Variants in VWA3B observed in about 807,000 individuals in gnomAD.
The protein encoded by VWA3B is von Willebrand factor A domain containing 3B.
Under a neutral mutation model 158.3 loss-of-function variants are expected in VWA3B, and 138 were observed. That is an observed-to-expected ratio of 0.87 (90% confidence interval 0.76 to 1.00). VWA3B has a LOEUF of 1.00. Ranked by LOEUF, VWA3B falls within the 50% of genes least tolerant of loss-of-function variation. The pLI, the probability that VWA3B is intolerant of heterozygous loss-of-function variation, is 0.00. For synonymous variants in VWA3B, 596 were observed against 587.3 expected, an observed-to-expected ratio of 1.01 and a Z score of -0.21; for missense variants, 1,555 against 1,565.1, an observed-to-expected ratio of 0.99 and a Z score of 0.11.
Position 98,204,702 on chromosome 2 carries a change from G to C in VWA3B, c.1738-7228G>C, listed in dbSNP as rs1029034911. Among the ~76,000 whole-genome samples the C allele has an allele frequency of 1.8e-4, 28 of 152,292 alleles. 1 individual carries two copies. The highest frequency in any genetic ancestry group is 6.7e-4 in the African/African-American group (28 of 41,552). On this transcript the variant is annotated intron_variant, in intron 12 of 27. Transcript: ENST00000477737. ...TGTGTGCTGTCTTTGTCTGCTTTGCGTATCAGTGTAATACTGGCCTCATAG... is the reference window on the plus strand; with the variant it reads ...TGTGTGCTGTCTTTGTCTGCTTTGCCTATCAGTGTAATACTGGCCTCATAG...
At chr2:98,237,457 A>T (rs1202887847) in intron 19 of VWA3B, among the ~76,000 whole-genome samples, 1 of 152,246 alleles carries the variant, frequency 6.6e-6, no homozygotes. Flanking sequence ...AGCAAGCCAC[A>T]TGTTAGCAAA....
chr2:98,232,604 TG>T (rs1426463756), intron 16 of VWA3B, among the ~76,000 whole-genome samples: 1 of 152,218 alleles, frequency 6.6e-6, no homozygotes, highest in Non-Finnish European at 1.5e-5. Flanking sequence ...GATAGTATCT[TG>T]GACATTTTGT....
chr2:98,162,281 A>C (rs906350584), intron 7 of VWA3B, among the ~76,000 whole-genome samples: 1 of 152,140 alleles, frequency 6.6e-6, no homozygotes, highest in Non-Finnish European at 1.5e-5. Context: ...ATTGATTGAA[A>C]GACATAAATA....
intron 2 of VWA3B, among the ~76,000 whole-genome samples, chr2:98,104,027 G>A (rs1683255862): frequency 6.6e-6 from 1 of 152,066 alleles, no homozygotes; most frequent in African/African-American, 2.4e-5. Flanking sequence ...AGCCACTGTA[G>A]CTTTCTTATT....
intron 1 of VWA3B, 54 bp downstream of exon 1, chr2:98,087,417 C>G (rs2104779206): frequency 6.6e-6 from 1 of 152,356 alleles, no homozygotes; most frequent in African/African-American, 2.4e-5. Context: ...GCCGAGCCTT[C>G]CAACAAGCGG....
chr2:98,311,748 G>A lies in VWA3B; in HGVS notation c.3522-71G>A, dbSNP rs1027021814. 36 of 1,457,138 alleles carry A rather than the reference G, an allele frequency of 2.5e-5. No homozygotes were observed. In the African/African-American group the frequency reaches 3.7e-4, roughly 15 times the overall value. 90.3% of individuals were successfully genotyped at this position (1,457,138 alleles called of 1,614,324 possible). On this transcript the variant is annotated intron_variant, in intron 26 of 27. Transcript: ENST00000477737. ...CAAGGAGCTGAGAAGCAGCCGTGGG[G>A]ATGGCTTGGACATCTCTGTAGACCC...
In VWA3B at chr2:98,181,236, G is replaced by C. The variant is rs1465090203; in HGVS notation, c.1311+24G>C. The C allele has an allele frequency of 3.7e-6, 6 of 1,606,802 alleles. No individual in the cohort carries two copies. In the East Asian group the frequency reaches 1.3e-4, roughly 36 times the overall value. ...CGGTAGGTGAAGTGCACTCCTGGGAGGGGCTGGGGCCTCCCCTCAAGTCCT... is the reference window on the plus strand; with the variant it reads ...CGGTAGGTGAAGTGCACTCCTGGGACGGGCTGGGGCCTCCCCTCAAGTCCT... On this transcript the variant is annotated intron_variant, in intron 9 of 27. Transcript: ENST00000477737.
intron 7 of VWA3B, among the ~76,000 whole-genome samples, chr2:98,145,931 C>T (rs111650036): frequency 2.6e-5 from 4 of 152,144 alleles, no homozygotes; most frequent in African/African-American, 4.8e-5. Context: ...GGGGGGATCT[C>T]GCTATGTTTT....
rs1206465827 is a variant in VWA3B, at chr2:98,313,241, T to A, written c.*892T>A. ...TCCTGAAAGCTAGGAGTAGCCAGGG[T>A]TATGGTGAAGAAATTAAAGAACTAA... On this transcript the variant is annotated 3_prime_UTR_variant, in exon 28 of 28. Coordinates refer to ENST00000477737, the MANE Select transcript of VWA3B (RefSeq NM_144992.5). The A allele has an allele frequency of 1.3e-5, 2 of 151,486 alleles. No individual in the cohort carries two copies. The highest frequency in any genetic ancestry group is 2.9e-5 in the Non-Finnish European group (2 of 67,896). 9.4% of individuals were successfully genotyped at this position (151,486 alleles called of 1,614,324 possible).
intron 7 of VWA3B, among the ~76,000 whole-genome samples, chr2:98,140,678 A>T (rs1676711306): frequency 1.3e-5 from 2 of 152,078 alleles, no homozygotes; most frequent in African/African-American, 2.4e-5. Context: ...GACCAGAGCG[A>T]TGCTCCCTTT....
chr2:98,186,211 G>A (rs1032398540), intron 9 of VWA3B, among the ~76,000 whole-genome samples: 4 of 134,670 alleles, frequency 3.0e-5, no homozygotes, highest in South Asian at 2.3e-4. Flanking sequence ...CTCCCACCTC[G>A]CTGGCTGTTC....
At chr2:98,103,304 ATTAT>A (rs1385082189) in intron 2 of VWA3B, among the ~76,000 whole-genome samples, 1 of 152,016 alleles carries the variant, frequency 6.6e-6, no homozygotes, top group Admixed American at 6.6e-5. Flanking sequence ...CTTAATCATC[ATTAT>A]TTATTTCTTT....
At chr2:98,227,951 C>A (rs1358749283) in intron 14 of VWA3B, among the ~76,000 whole-genome samples, 2 of 152,156 alleles carry the variant, frequency 1.3e-5, no homozygotes, top group African/African-American at 4.8e-5. Context: ...ATAAGAACAA[C>A]ATAAAATTCT....
intron 22 of VWA3B, among the ~76,000 whole-genome samples, chr2:98,277,903 C>A (rs576038872): frequency 6.6e-6 from 1 of 151,892 alleles, no homozygotes; most frequent in Non-Finnish European, 1.5e-5. Context: ...AGAATATATA[C>A]GGCTGTTATC....
intron 24 of VWA3B, among the ~76,000 whole-genome samples, chr2:98,299,255 ATGAATTGACC>A (rs1690032591): frequency 6.6e-6 from 1 of 152,168 alleles, no homozygotes; most frequent in African/African-American, 2.4e-5. Flanking sequence ...GAAAGTCAGC[ATGAATTGACC>A]TTAAGTTCCC....
At position 98,181,226 on chromosome 2, in the gene VWA3B, AC is replaced by A. The variant is rs372141885; in HGVS notation, c.1311+15del. 2.9e-3 allele frequency: 4,711 copies of A among 1,611,150 alleles called. 17 individuals are homozygous for A. Among genetic ancestry groups the A allele is most frequent in the Middle Eastern group, 8.3e-3 (49 of 5,886 alleles). On this transcript the variant is annotated intron_variant, in intron 9 of 27. Coordinates refer to ENST00000477737, the MANE Select transcript of VWA3B (RefSeq NM_144992.5). ...CAGACCAGTGCGGTAGGTGAAGTGC[AC>A]TCCTGGGAGGGGCTGGGGCCTCCCC...
At chr2:98,159,763 T>C (rs1175446919) in intron 7 of VWA3B, among the ~76,000 whole-genome samples, 2 of 151,718 alleles carry the variant, frequency 1.3e-5, no homozygotes. Context: ...ATGCCTGTAA[T>C]CTCAGCACTT....
At chr2:98,288,522 T>A (rs1344128023) in intron 22 of VWA3B, among the ~76,000 whole-genome samples, 1 of 152,234 alleles carries the variant, frequency 6.6e-6, no homozygotes, top group Non-Finnish European at 1.5e-5. Flanking sequence ...AGTCCAGGAC[T>A]TTAATTCATT....
chr2:98,170,304 T>C (rs1679475135), intron 8 of VWA3B, among the ~76,000 whole-genome samples: 1 of 152,236 alleles, frequency 6.6e-6, no homozygotes, highest in Non-Finnish European at 1.5e-5. Flanking sequence ...TGTGTAGTCA[T>C]GCTTTAATCA....
Sources: allele counts gnomAD v4.1 joint callset (sites outside exome capture counted in the v4.1 genomes callset), GRCh38; gene constraint gnomAD v4.1.1; transcripts MANE v1.5; gene names NCBI Gene and HGNC (gene_info 2026-07-23, HGNC 2026-07-21).